The following MFF variants were observed in gnomAD, a reference collection of about 807,000 sequenced individuals.
MFF encodes the protein mitochondrial fission factor.
In MFF, 12 loss-of-function variants were observed where a neutral mutation model predicts 36.9. The observed-to-expected ratio is 0.33, with a 90% CI of 0.21 to 0.53. The LOEUF is 0.53. Ranked by LOEUF, MFF falls within the 20% of genes least tolerant of loss-of-function variation. The pLI is 0.95. For missense variants in MFF, 348 were observed against 366.6 expected, an observed-to-expected ratio of 0.95 and a Z score of 0.42; for synonymous variants, 99 against 126.2, an observed-to-expected ratio of 0.78 and a Z score of 1.44.
chr2:227,349,512 A>G (rs1449123570), intron 6 of MFF, among the ~76,000 whole-genome samples: 1 of 152,082 alleles, frequency 6.6e-6, no homozygotes, highest in African/African-American at 2.4e-5. Flanking sequence ...GAGTTATATT[A>G]ATAATGCTTT....
In MFF at chr2:227,342,706, A is replaced by C; in HGVS notation, c.440+2326A>C. 3 of 1,532,662 alleles carry C rather than the reference A, an allele frequency of 2.0e-6. No individual in the cohort carries two copies. In the South Asian group the frequency reaches 3.4e-5, roughly 17 times the overall value. The allele number at this position is 1,532,662 out of a possible 1,614,324, so 94.9% of individuals were successfully genotyped here. On this transcript the variant is annotated intron_variant, in intron 5 of 8. Coordinates refer to ENST00000304593, the MANE Select transcript of MFF (RefSeq NM_001277062.2). ...GATCTAGCTTTTTCTTTGTGTTATA[A>C]AAGCTGAATATGTAAAAGAAGCATA...
At chr2:227,342,095 T>C (rs2075427377) in intron 5 of MFF, among the ~76,000 whole-genome samples, 1 of 152,040 alleles carries the variant, frequency 6.6e-6, no homozygotes, top group Non-Finnish European at 1.5e-5. Context: ...TTTTTTTTTC[T>C]TTAAGTTGCT....
chr2:227,349,134 A>T (rs956372401), intron 6 of MFF, among the ~76,000 whole-genome samples: 2 of 152,182 alleles, frequency 1.3e-5, no homozygotes, highest in Non-Finnish European at 2.9e-5. Flanking sequence ...AATAATAGCT[A>T]GATGGCAGAG....
At chr2:227,356,049 C>T (rs1177885569) in intron 8 of MFF, among the ~76,000 whole-genome samples, 1 of 152,190 alleles carries the variant, frequency 6.6e-6, no homozygotes, top group Non-Finnish European at 1.5e-5. Context: ...AAATGTGGAA[C>T]AATTACTTTG....
chr2:227,328,465 A>G (rs909736207), intron 1 of MFF, among the ~76,000 whole-genome samples: 4 of 152,196 alleles, frequency 2.6e-5, no homozygotes, highest in Admixed American at 6.5e-5. Flanking sequence ...CTAGTCTTTT[A>G]TATTGCCTTA....
intron 6 of MFF, among the ~76,000 whole-genome samples, chr2:227,350,429 A>G (rs898241756): frequency 7.9e-4 from 120 of 152,214 alleles, no homozygotes; most frequent in African/African-American, 2.3e-3. Context: ...CTTAGCTCTC[A>G]TTTTTACGAG....
chr2:227,353,704 T>C (rs895071919), intron 7 of MFF, among the ~76,000 whole-genome samples: 7 of 152,228 alleles, frequency 4.6e-5, no homozygotes, highest in African/African-American at 1.7e-4. Flanking sequence ...ATTTTTGTTT[T>C]AAATTGAAGT....
At chr2:227,326,135 C>T (rs2106322379) in intron 1 of MFF, among the ~76,000 whole-genome samples, 1 of 152,058 alleles carries the variant, frequency 6.6e-6, no homozygotes, top group South Asian at 2.1e-4. Context: ...ACACCCCTGT[C>T]TACCTCCCAC....
intron 3 of MFF, 68 bp from the exon 4 acceptor site, chr2:227,332,351 A>G: frequency 8.0e-7 from 1 of 1,254,132 alleles, no homozygotes; most frequent in Admixed American, 2.2e-5. Flanking sequence ...CATTTTAACA[A>G]AAATCACTGT....
intron 1 of MFF, among the ~76,000 whole-genome samples, chr2:227,327,688 T>C (rs112915161): frequency 0.032 from 4,818 of 152,322 alleles, 140 homozygotes; most frequent in Admixed American, 0.044. Context: ...TGAGATGTAC[T>C]ACTAGAAAGT....
At chr2:227,347,993 A>AT (rs58152077) in intron 6 of MFF, among the ~76,000 whole-genome samples, 24,054 of 152,036 alleles carry the variant, frequency 0.16, 2,041 homozygotes, top group African/African-American at 0.22. Context: ...CATACAAATA[A>AT]TTTTTTTGCA....
chr2:227,341,224 A>C (rs999235491), intron 5 of MFF, among the ~76,000 whole-genome samples: 3 of 152,082 alleles, frequency 2.0e-5, no homozygotes, highest in African/African-American at 7.2e-5. Context: ...ACCTCTCTAA[A>C]GAGTATAGGG....
intron 4 of MFF, among the ~76,000 whole-genome samples, chr2:227,337,775 A>G (rs188668168): frequency 7.2e-5 from 11 of 152,224 alleles, no homozygotes; most frequent in Admixed American, 7.2e-4. Context: ...GAGGCCAGGC[A>G]CAGTGGCTCA....
chr2:227,338,918 T>C (rs1195658528), intron 4 of MFF, among the ~76,000 whole-genome samples: 2 of 150,586 alleles, frequency 1.3e-5, no homozygotes, highest in South Asian at 4.2e-4. Context: ...TTTTTAGTAT[T>C]TTTGTTGGGC....
intron 1 of MFF, among the ~76,000 whole-genome samples, chr2:227,326,551 A>G (rs1266087393): frequency 1.3e-5 from 2 of 152,178 alleles, no homozygotes; most frequent in African/African-American, 4.8e-5. Context: ...TTCCTGTCTG[A>G]TAGAGCTGCC....
chr2:227,356,273 G>C (rs200221694), intron 8 of MFF, among the ~76,000 whole-genome samples: 1 of 152,114 alleles, frequency 6.6e-6, no homozygotes, highest in Non-Finnish European at 1.5e-5. Flanking sequence ...TTCTCATTGC[G>C]TCTATACCAA....
chr2:227,354,983 A>G (rs1346244206), intron 7 of MFF, among the ~76,000 whole-genome samples: 3 of 152,188 alleles, frequency 2.0e-5, no homozygotes, highest in Admixed American at 2.0e-4. Flanking sequence ...CAAAATGGTG[A>G]AACCCCATCT....
At chr2:227,328,926 G>C (rs533130403) in intron 2 of MFF, 137 bp downstream of exon 2, 80 of 152,304 alleles carry the variant, frequency 5.3e-4, no homozygotes, top group African/African-American at 1.7e-3. Context: ...AGTCAAACCA[G>C]TTGCTGGGGC....
chr2:227,342,881 A>G, intron 5 of MFF: 1 of 1,374,000 alleles, frequency 7.3e-7, no homozygotes, highest in Non-Finnish European at 1.0e-6. Context: ...GATTATGTTA[A>G]TACTAATCTA....
Sources: allele counts gnomAD v4.1 joint callset (sites outside exome capture counted in the v4.1 genomes callset), GRCh38; gene constraint gnomAD v4.1.1; transcripts MANE v1.5; gene names NCBI Gene and HGNC (gene_info 2026-07-23, HGNC 2026-07-21).